ADAMTSL2: variants seen among roughly 807,000 people sequenced by gnomAD.
The protein encoded by ADAMTSL2 is ADAMTS-like protein 2.
A neutral mutation model predicts 117.0 loss-of-function variants in ADAMTSL2; 55 were observed. That is an observed-to-expected ratio of 0.47 (90% CI 0.38 to 0.59). The LOEUF (loss-of-function observed/expected upper bound fraction) is 0.59. Among genes scored for constraint, ADAMTSL2 ranks in the 20% least tolerant of loss-of-function variants. The probability of loss-of-function intolerance (pLI) is 0.00; values close to 1 mark genes in which losing one functional copy is unlikely to be tolerated. For synonymous variants in ADAMTSL2, 572 were observed against 566.4 expected (o/e 1.01, Z -0.14); for missense variants, 1,182 against 1,354.5 (o/e 0.87, Z 2.00).
At position 133,540,682 on chromosome 9, in the gene ADAMTSL2, G is replaced by A. The variant is rs145418812; in HGVS notation, c.497G>A (p.Arg166His). 95 of 1,613,664 alleles carry A rather than the reference G, an allele frequency of 5.9e-5. No individual in the cohort carries two copies. Among genetic ancestry groups the A allele is most frequent in the African/African-American group, 6.7e-5 (5 of 74,942 alleles). Reference sequence around the variant, plus strand: ...CAGCGGCAGCTCATGGTCCCCGCCCGCGACGGCACATCCTGCAAGCTCACT... The same window carrying A: ...CAGCGGCAGCTCATGGTCCCCGCCCACGACGGCACATCCTGCAAGCTCACT... ...DGQRQLMVPA[R>H]DGTSCKLTDL... The change falls in exon 6 of 19, where the codon CGC becomes CAC. Residue 166 changes from arginine to histidine, a missense_variant. Coordinates refer to ENST00000651351, the MANE Select transcript of ADAMTSL2 (RefSeq NM_014694.4).
chr9:133,537,319 G>A (rs542527957), intron 2 of ADAMTSL2, 86 bp from the exon 3 acceptor site: 3 of 1,295,512 alleles, frequency 2.3e-6, no homozygotes, highest in South Asian at 2.9e-5. Flanking sequence ...TCCCGCTGAC[G>A]GTGATACCCT....
At position 133,568,476 on chromosome 9, in the gene ADAMTSL2, A is replaced by T; in HGVS notation, c.2078A>T (p.Glu693Val). Residue 693 changes from glutamate to valine, a missense_variant, in exon 14 of 19, where the codon GAG becomes GTG. Coordinates refer to ENST00000651351, the MANE Select transcript of ADAMTSL2 (RefSeq NM_014694.4). ...PACGPQWEMS[E>V]WSECTAKCGE... ...TGCGGGCCCCAGTGGGAGATGTCGGAGTGGTCCGAGGTGAGTGCCTGCGGG... is the reference window on the plus strand; with the variant it reads ...TGCGGGCCCCAGTGGGAGATGTCGGTGTGGTCCGAGGTGAGTGCCTGCGGG... 1 of 1,603,734 alleles carries T rather than the reference A, an allele frequency of 6.2e-7. No homozygotes were observed. Among genetic ancestry groups the T allele is most frequent in the African/African-American group, 1.3e-5 (1 of 74,956 alleles).
chr9:133,567,085 G>A lies in ADAMTSL2; in HGVS notation c.1874+23G>A, dbSNP rs1438878453. The A allele has an allele frequency of 1.3e-5, 20 of 1,598,246 alleles. No homozygotes were observed. In the Admixed American group the frequency reaches 3.0e-4, roughly 24 times the overall value. ...CAGGTACCTGCCACCAGGGGCCCTG[G>A]GCAGGGGGTCGGCAGGGGGCGTGAG... is the stretch of plus-strand genomic sequence containing the variant. On this transcript the variant is annotated intron_variant, in intron 13 of 18. Coordinates refer to ENST00000651351, the MANE Select transcript of ADAMTSL2 (RefSeq NM_014694.4).
chr9:133,561,271 C>T lies in ADAMTSL2; in HGVS notation c.1723C>T (p.Pro575Ser). The T allele has an allele frequency of 6.2e-7, 1 of 1,600,884 alleles. No individual in the cohort carries two copies. The highest frequency in any genetic ancestry group is 8.5e-7 in the Non-Finnish European group (1 of 1,174,134). The change falls in exon 12 of 19, where the codon CCC (proline) becomes TCC (serine). Residue 575 changes from proline to serine, a missense_variant. Around this residue, in one of 3 missense-constraint regions of ADAMTSL2, gnomAD observed 465 missense variants for 565.3 expected, o/e 0.82. Transcript: ENST00000651351. ...CCGGTGGAAGCTCTCGTCCCACGAG[C>T]CCTGCAGTGCCACCTGCACCACAGG... ...MYRWKLSSHE[P>S]CSATCTTGVM...
rs2131139227 is a variant in ADAMTSL2 at position 133,554,742 on chromosome 9, G to A, written c.1276+49G>A. The A allele has an allele frequency of 1.4e-6, 2 of 1,426,412 alleles. No individual in the cohort carries two copies. The highest frequency in any genetic ancestry group is 2.5e-5 in the East Asian group (1 of 39,882). The allele number at this position is 1,426,412 out of a possible 1,614,324, so 88.4% of individuals were successfully genotyped here. ...AGGGTGGGGCCCGGGAGGCAGCCCA[G>A]GGAAGGGGGCCTTGGGGAAGGGGTC... On this transcript the variant is annotated intron_variant, in intron 10 of 18. Transcript: ENST00000651351. This position sits in a 1 kb window ranked among gnomAD's most constrained non-coding sequence, Gnocchi z 5.2.
rs186360808 is a variant in ADAMTSL2 at position 133,541,745 on chromosome 9, G to A, written c.682+744G>A. Among the ~76,000 whole-genome samples, 4 of 152,320 alleles carry A rather than the reference G, an allele frequency of 2.6e-5. No individual in the cohort carries two copies. The East Asian group carries it at 7.7e-4, about 29-fold the overall frequency. On this transcript the variant is annotated intron_variant, in intron 7 of 18. Coordinates refer to ENST00000651351, the MANE Select transcript of ADAMTSL2 (RefSeq NM_014694.4). ...AGCCCAGAACCCCTCCTTCCCTTGG[G>A]CAGCACCTGTCCCCTTCCTAAGCTG...
At chr9:133,547,435 G>A (rs192266641) in intron 9 of ADAMTSL2, among the ~76,000 whole-genome samples, 4 of 152,308 alleles carry the variant, frequency 2.6e-5, no homozygotes, top group Admixed American at 6.5e-5. Context: ...TCATTCACTC[G>A]GATTTTGGTT....
In ADAMTSL2 at chr9:133,549,541, C is replaced by CT. The variant is rs33971536; in HGVS notation, c.939+2350dup. On this transcript the variant is annotated intron_variant, in intron 9 of 18. Coordinates refer to ENST00000651351, the MANE Select transcript of ADAMTSL2 (RefSeq NM_014694.4). ...AGGGTCAAACAACGCCTTTCCTACT[C>CT]TTTTTTTTTTTTTTTTTTTTTTAAG... 4.4e-3 allele frequency among the ~76,000 whole-genome samples: 599 copies of CT among 134,814 alleles called. 5 individuals are homozygous for CT. Among genetic ancestry groups the CT allele is most frequent in the East Asian group, 0.021 (97 of 4,518 alleles). The allele number at this position is 134,814 out of a possible 152,430, so 88.4% of individuals were successfully genotyped here.
Position 133,537,492 on chromosome 9 carries a change from TC to T in ADAMTSL2, c.181del (p.Arg61AlafsTer7). On this transcript the variant is annotated frameshift_variant, in exon 3 of 19. Coordinates refer to ENST00000651351, the MANE Select transcript of ADAMTSL2 (RefSeq NM_014694.4). LOFTEE classifies it high-confidence loss of function. The stretch of plus-strand genomic sequence containing the variant: ...GGAGTGGACCAAGTGGACGGCGTGT[TC>T]CCGCAGTTGCGGGGGTGGGGTGACA... ...WGEWTKWTAC[S>X]RSCGGGVTSQ... The T allele has an allele frequency of 7.4e-7, 1 of 1,353,962 alleles. No homozygotes were observed. Among genetic ancestry groups the T allele is most frequent in the Non-Finnish European group, 9.6e-7 (1 of 1,044,434 alleles). The allele number at this position is 1,353,962 out of a possible 1,614,324, so 83.9% of individuals were successfully genotyped here. A position where few individuals can be genotyped will look rare whatever the true frequency, so the allele number is the denominator to read the frequency against.
chr9:133,554,340 C>A lies in ADAMTSL2; in HGVS notation c.940-17C>A. ...ACAGAGTAAGGAGGGGCTGGGGACC[C>A]ACTTCTCTTTCCCTAGGTGTGGAAC... is the stretch of plus-strand genomic sequence containing the variant. On this transcript the variant is annotated splice_polypyrimidine_tract_variant and intron_variant, in intron 9 of 18. Coordinates refer to ENST00000651351, the MANE Select transcript of ADAMTSL2 (RefSeq NM_014694.4). The surrounding 1 kb of genome is among the most constrained non-coding windows in gnomAD (Gnocchi z 5.2). 1 of 1,538,540 alleles carries A rather than the reference C, an allele frequency of 6.5e-7. No homozygotes were observed.
chr9:133,569,698 G>A (rs1831059852), intron 16 of ADAMTSL2, 120 bp downstream of exon 16: 1 of 1,045,140 alleles, frequency 9.6e-7, no homozygotes, highest in Admixed American at 2.2e-5. Flanking sequence ...TGCAAATTAT[G>A]AAGGGACAAT....
In ADAMTSL2 at chr9:133,558,199, G is replaced by A. The variant is rs923808156; in HGVS notation, c.1649+2269G>A. The stretch of plus-strand genomic sequence containing the variant: ...GGCTGTCAGCACTCAGAAAGGCCCT[G>A]ACTGCTGAGATGCCGCTGCTCCCCC... On this transcript the variant is annotated intron_variant, in intron 11 of 18. Transcript: ENST00000651351. The surrounding 1 kb of genome is among the most constrained non-coding windows in gnomAD (Gnocchi z 4.3). Among the ~76,000 whole-genome samples, 4 of 152,168 alleles carry A rather than the reference G, an allele frequency of 2.6e-5. No homozygotes were observed. Among genetic ancestry groups the A allele is most frequent in the Non-Finnish European group, 5.9e-5 (4 of 68,034 alleles).
chr9:133,564,618 G>A (rs1830908515), intron 12 of ADAMTSL2, among the ~76,000 whole-genome samples: 1 of 57,036 alleles, frequency 1.8e-5, no homozygotes. Context: ...GAGAGAGAGA[G>A]AGAGAGGGAG....
chr9:133,575,460 C>T lies in ADAMTSL2; in HGVS notation c.*596C>T, dbSNP rs935498542. On this transcript the variant is annotated 3_prime_UTR_variant, in exon 19 of 19. Transcript: ENST00000651351. Reference sequence around the variant, plus strand: ...GTTTGGGGATGGACCTCGGCCCCCGCCCCTGCAGTCAGCGTCAGTGCTCAT... The same window carrying T: ...GTTTGGGGATGGACCTCGGCCCCCGTCCCTGCAGTCAGCGTCAGTGCTCAT... The T allele has an allele frequency of 1.2e-5, 2 of 160,788 alleles. No individual in the cohort carries two copies. The highest frequency in any genetic ancestry group is 2.4e-5 in the African/African-American group (1 of 41,544). 10.0% of individuals were successfully genotyped at this position (160,788 alleles called of 1,614,324 possible).
intron 12 of ADAMTSL2, among the ~76,000 whole-genome samples, chr9:133,562,960 G>A (rs1357926780): frequency 6.8e-6 from 1 of 146,054 alleles, no homozygotes; most frequent in Non-Finnish European, 1.5e-5. Context: ...CGCTGTGGGC[G>A]GCGTGGTGGG....
Position 133,554,610 on chromosome 9 carries a change from G to T in ADAMTSL2, c.1193G>T (p.Ser398Ile). The T allele has an allele frequency of 6.5e-7, 1 of 1,547,276 alleles. No homozygotes were observed. The highest frequency in any genetic ancestry group is 8.7e-7 in the Non-Finnish European group (1 of 1,146,136). ...HPGLDMELGPSQGQETNEVCE... is the reference protein window; with the variant it reads ...HPGLDMELGPIQGQETNEVCE... ...GGCCTGGACATGGAGCTGGGCCCCAGCCAGGGCCAGGAGACCAACGAGGTG... is the reference window on the plus strand; with the variant it reads ...GGCCTGGACATGGAGCTGGGCCCCATCCAGGGCCAGGAGACCAACGAGGTG... Residue 398 changes from serine to isoleucine, a missense_variant, in exon 10 of 19, where the codon AGC becomes ATC. This residue lies in a region of ADAMTSL2 where 345 missense variants were observed against 325.8 expected (regional missense o/e 1.06). Coordinates refer to ENST00000651351, the MANE Select transcript of ADAMTSL2 (RefSeq NM_014694.4). This position sits in a 1 kb window ranked among gnomAD's most constrained non-coding sequence, Gnocchi z 5.2.
At chr9:133,547,674 T>C (rs1418679277) in intron 9 of ADAMTSL2, among the ~76,000 whole-genome samples, 1 of 152,164 alleles carries the variant, frequency 6.6e-6, no homozygotes, top group Non-Finnish European at 1.5e-5. Flanking sequence ...GACCCCTCCC[T>C]ACCCCACGGT....
chr9:133,562,948 A>C (rs1830779279), intron 12 of ADAMTSL2, among the ~76,000 whole-genome samples: 1 of 130,648 alleles, frequency 7.7e-6, no homozygotes, highest in Admixed American at 7.5e-5. Context: ...CCAGGCTCGC[A>C]CCGCTGTGGG....
chr9:133,547,344 C>A, intron 9 of ADAMTSL2, 131 bp downstream of exon 9: 1 of 854,186 alleles, frequency 1.2e-6, no homozygotes, highest in East Asian at 2.4e-5. Context: ...GCAGCCTCAC[C>A]ACTCTGCGTG....
Sources: gnomAD v4.1 joint callset for allele counts (sites outside exome capture counted in the v4.1 genomes callset) on GRCh38, gnomAD v4.1.1 for gene constraint, gnomAD v4.1.1 regional missense constraint, Gnocchi (gnomAD v3.1) non-coding constraint, MANE v1.5 for transcripts, NCBI Gene and HGNC (gene_info 2026-07-23, HGNC 2026-07-21) for gene names.